Variants in ATRNL1 observed in about 807,000 individuals in gnomAD.
ATRNL1 encodes attractin like 1, also known as attractin-like protein 1.
Under a neutral mutation model 182.7 loss-of-function variants are expected in ATRNL1, and 95 were observed. That is an observed-to-expected ratio of 0.52 (90% CI 0.44 to 0.62). The LOEUF is 0.62. Ranked by LOEUF, ATRNL1 falls within the 20% of genes least tolerant of loss-of-function variation. ATRNL1 has a pLI of 0.00. For synonymous variants in ATRNL1, 576 were observed against 568.3 expected (o/e 1.01, Z -0.19); for missense variants, 1,471 against 1,679.5 (o/e 0.88, Z 2.17).
chr10:115,426,650 A>T (rs781808926), intron 21 of ATRNL1, among the ~76,000 whole-genome samples: 2 of 152,184 alleles, frequency 1.3e-5, no homozygotes, highest in Non-Finnish European at 2.9e-5. Context: ...TTTGGGCATT[A>T]CTAAAAGGCT....
At chr10:115,892,261 A>G (rs1952097628) in intron 28 of ATRNL1, among the ~76,000 whole-genome samples, 1 of 152,196 alleles carries the variant, frequency 6.6e-6, no homozygotes, top group South Asian at 2.1e-4. Context: ...TGCAAACACA[A>G]TCAGTTAACT....
chr10:115,641,320 A>C (rs1859232599), intron 26 of ATRNL1, among the ~76,000 whole-genome samples: 1 of 152,072 alleles, frequency 6.6e-6, no homozygotes, highest in South Asian at 2.1e-4. Context: ...GCTTCTCTAT[A>C]CTCTTCCAGG....
chr10:115,521,138 T>TG (rs141004634), intron 25 of ATRNL1, among the ~76,000 whole-genome samples: 4 of 148,952 alleles, frequency 2.7e-5, no homozygotes, highest in Admixed American at 6.7e-5. Context: ...TAAAACAACT[T>TG]TTGTTGTTGT....
chr10:115,625,206 A>C (rs1858016891), intron 26 of ATRNL1, among the ~76,000 whole-genome samples: 1 of 152,156 alleles, frequency 6.6e-6, no homozygotes, highest in Non-Finnish European at 1.5e-5. Flanking sequence ...GGAACAGTAC[A>C]TTTTGTTTTT....
chr10:115,166,910 T>C (rs1476252475), intron 7 of ATRNL1, among the ~76,000 whole-genome samples: 3 of 151,916 alleles, frequency 2.0e-5, no homozygotes, highest in African/African-American at 7.2e-5. Flanking sequence ...TTAATTTAAT[T>C]TTAATTTTAA....
chr10:115,293,287 A>AT (rs1413459851), intron 15 of ATRNL1, among the ~76,000 whole-genome samples: 2 of 151,882 alleles, frequency 1.3e-5, no homozygotes, highest in Admixed American at 1.3e-4. Context: ...ATTGTTAGTT[A>AT]TTTTTTTAAA....
At chr10:115,475,539 C>A (rs1848491055) in intron 24 of ATRNL1, among the ~76,000 whole-genome samples, 1 of 151,294 alleles carries the variant, frequency 6.6e-6, no homozygotes, top group Non-Finnish European at 1.5e-5. Context: ...TCTTCAATTT[C>A]TGTTGCATTT....
At position 115,451,901 on chromosome 10, in the gene ATRNL1, A is replaced by C. The variant is rs192273778; in HGVS notation, c.3323-10040A>C. Among the ~76,000 whole-genome samples the C allele has an allele frequency of 1.3e-4, 20 of 152,330 alleles. No individual in the cohort carries two copies. The East Asian group carries it at 3.9e-3, about 29-fold the overall frequency. ...ACAGATCAGATAAAGAAAATGTGGTATGCATAAACCATGGAATACTATGTA... is the reference window on the plus strand; with the variant it reads ...ACAGATCAGATAAAGAAAATGTGGTCTGCATAAACCATGGAATACTATGTA... On this transcript the variant is annotated intron_variant, in intron 21 of 28. Coordinates refer to ENST00000355044, the MANE Select transcript of ATRNL1 (RefSeq NM_207303.4).
chr10:115,268,768 G>A (rs376451626), intron 13 of ATRNL1, among the ~76,000 whole-genome samples: 12 of 152,264 alleles, frequency 7.9e-5, no homozygotes, highest in Admixed American at 5.2e-4. Context: ...AGATTATATA[G>A]GTAGGTATTG....
chr10:115,105,724 C>A (rs902883919), intron 1 of ATRNL1, among the ~76,000 whole-genome samples: 1 of 152,220 alleles, frequency 6.6e-6, no homozygotes, highest in African/African-American at 2.4e-5. Flanking sequence ...AGGGTGCAAG[C>A]TCCAAGCCTT....
chr10:115,164,094 A>G (rs1030284299), intron 6 of ATRNL1, among the ~76,000 whole-genome samples: 2 of 152,138 alleles, frequency 1.3e-5, no homozygotes, highest in Non-Finnish European at 2.9e-5. Flanking sequence ...TCTTGGCTGG[A>G]TGCTTCCTTT....
rs908366540 is a variant in ATRNL1, at chr10:115,703,013, C to G, written c.3796-24235C>G. On this transcript the variant is annotated intron_variant, in intron 26 of 28. Transcript: ENST00000355044. ...AACAAACTATAGACTTCAAACTATA[C>G]TACAAGAGTACAGTAATCAAAACAG... 2.4e-4 allele frequency among the ~76,000 whole-genome samples: 36 copies of G among 152,010 alleles called. 1 individual carries two copies. The highest frequency in any genetic ancestry group is 2.2e-3 in the Admixed American group (33 of 15,216).
At chr10:115,489,406 CT>C (rs1166351860) in intron 24 of ATRNL1, among the ~76,000 whole-genome samples, 1 of 152,104 alleles carries the variant, frequency 6.6e-6, no homozygotes, top group African/African-American at 2.4e-5. Flanking sequence ...AATCTGGGTG[CT>C]CCTGTATTGG....
In ATRNL1 at chr10:115,225,526, C is replaced by T. The variant is rs1483067877; in HGVS notation, c.1532+9646C>T. 3.4e-5 allele frequency among the ~76,000 whole-genome samples: 4 copies of T among 117,136 alleles called. No homozygotes were observed. In the East Asian group the frequency reaches 8.9e-4, roughly 26 times the overall value. The allele number at this position is 117,136 out of a possible 152,430, so 76.8% of individuals were successfully genotyped here. The stretch of plus-strand genomic sequence containing the variant: ...TAATATGTATATGGGTAATCAGTTG[C>T]TGCAAATAACATCAATATAAAAAAT... On this transcript the variant is annotated intron_variant, in intron 9 of 28. Coordinates refer to ENST00000355044, the MANE Select transcript of ATRNL1 (RefSeq NM_207303.4).
rs527417935 is a variant in ATRNL1, at chr10:115,557,679, A to C, written c.3795+8143A>C. On this transcript the variant is annotated intron_variant, in intron 26 of 28. Transcript: ENST00000355044. ...GAAAGAATGGAACAAGATGACTTCCAGAATGGCAGCAAGAGGATCCCCTGA... is the reference window on the plus strand; with the variant it reads ...GAAAGAATGGAACAAGATGACTTCCCGAATGGCAGCAAGAGGATCCCCTGA... Among the ~76,000 whole-genome samples, 3 of 152,330 alleles carry C rather than the reference A, an allele frequency of 2.0e-5. No individual in the cohort carries two copies. The South Asian group carries it at 6.2e-4, about 32-fold the overall frequency.
chr10:115,219,912 AAAAAG>A (rs1849385122), intron 9 of ATRNL1, among the ~76,000 whole-genome samples: 1 of 152,130 alleles, frequency 6.6e-6, no homozygotes, highest in Non-Finnish European at 1.5e-5. Flanking sequence ...CAAAAAAACA[AAAAAG>A]AGAGAGAGAG....
chr10:115,856,315 C>G (rs1951179859), intron 28 of ATRNL1, among the ~76,000 whole-genome samples: 1 of 151,018 alleles, frequency 6.6e-6, no homozygotes, highest in Non-Finnish European at 1.5e-5. Flanking sequence ...GTAATCCCAG[C>G]TACTGGGGAG....
In ATRNL1 at chr10:115,411,091, T is replaced by C. The variant is rs1191637820; in HGVS notation, c.3270-15159T>C. Reference sequence around the variant, plus strand: ...AAATTATTTAGCAGATTTTCAGCTGTTTTAAATAATCTGTAATATTTTAAA... The same window carrying C: ...AAATTATTTAGCAGATTTTCAGCTGCTTTAAATAATCTGTAATATTTTAAA... On this transcript the variant is annotated intron_variant, in intron 20 of 28. Coordinates refer to ENST00000355044, the MANE Select transcript of ATRNL1 (RefSeq NM_207303.4). Among the ~76,000 whole-genome samples the C allele has an allele frequency of 3.9e-5, 6 of 152,096 alleles. No homozygotes were observed. The East Asian group carries it at 7.7e-4, about 20-fold the overall frequency.
At chr10:115,647,454 G>A (rs371223925) in intron 26 of ATRNL1, among the ~76,000 whole-genome samples, 163 of 152,102 alleles carry the variant, frequency 1.1e-3, no homozygotes, top group Middle Eastern at 3.4e-3. Context: ...CATCCTCTCC[G>A]GCACCTGTTG....
Sources: allele counts gnomAD v4.1 joint callset (sites outside exome capture counted in the v4.1 genomes callset), GRCh38; gene constraint gnomAD v4.1.1; transcripts MANE v1.5; gene names NCBI Gene and HGNC (gene_info 2026-07-23, HGNC 2026-07-21).